Variants in SNTG1 observed in about 807,000 individuals in gnomAD.
The protein encoded by SNTG1 is gamma-1-syntrophin.
In SNTG1, 39 loss-of-function variants were observed where a neutral mutation model predicts 74.7. The observed-to-expected ratio is 0.52, with a 90% CI of 0.40 to 0.68. SNTG1 has a LOEUF of 0.68. SNTG1 is among the 30% of genes least tolerant of loss of function. The pLI, the probability that SNTG1 is intolerant of heterozygous loss-of-function variation, is 0.00. For missense variants in SNTG1, 685 were observed against 609.5 expected (o/e 1.12, Z -1.30); for synonymous variants, 254 against 217.1 (o/e 1.17, Z -1.49).
intron 2 of SNTG1, among the ~76,000 whole-genome samples, chr8:50,376,752 T>TAGAGAG (rs1209571081): frequency 1.2e-4 from 12 of 100,804 alleles, no homozygotes; most frequent in African/African-American, 3.0e-4. Context: ...TATATATATA[T>TAGAGAG]ATATAGAGAG....
At chr8:50,392,176 T>C (rs1172936020) in intron 2 of SNTG1, among the ~76,000 whole-genome samples, 5 of 152,178 alleles carry the variant, frequency 3.3e-5, no homozygotes, top group Middle Eastern at 3.2e-3. Flanking sequence ...TCATATAAGA[T>C]GCTAACAGTA....
rs142871961 is a variant in SNTG1 at position 50,537,491 on chromosome 8, A to G, written c.680+683A>G. On this transcript the variant is annotated intron_variant, in intron 11 of 18. Coordinates refer to ENST00000642720, the MANE Select transcript of SNTG1 (RefSeq NM_018967.5). ...TAAGATAAGTAGTGCCCTCCTTTTC[A>G]TTCTTGAAACTTTTTTTCTCTTTTT... 7.9e-5 allele frequency among the ~76,000 whole-genome samples: 12 copies of G among 152,170 alleles called. No homozygotes were observed. In the East Asian group the frequency reaches 2.3e-3, roughly 29 times the overall value.
intron 15 of SNTG1, among the ~76,000 whole-genome samples, chr8:50,687,573 CT>C (rs869254408): frequency 2.0e-5 from 3 of 151,988 alleles, no homozygotes; most frequent in East Asian, 1.9e-4. Context: ...GGGATACGTT[CT>C]TTTTTTATTA....
rs78199583 is a variant in SNTG1 at position 50,364,802 on chromosome 8, T to C, written c.-27-29410T>C. ...GGTCAGCAAACTATTTCTTGTTCTTTTTTATTGCAGTAATCATTTAAATCA... is the reference window on the plus strand; with the variant it reads ...GGTCAGCAAACTATTTCTTGTTCTTCTTTATTGCAGTAATCATTTAAATCA... On this transcript the variant is annotated intron_variant, in intron 2 of 18. Transcript: ENST00000642720. Among the ~76,000 whole-genome samples, 1,421 of 152,224 alleles carry C rather than the reference T, an allele frequency of 9.3e-3. 9 individuals carry two copies. The highest frequency in any genetic ancestry group is 0.016 in the Non-Finnish European group (1,070 of 67,984).
intron 1 of SNTG1, among the ~76,000 whole-genome samples, chr8:50,108,839 G>C (rs548897578): frequency 2.6e-5 from 4 of 152,226 alleles, no homozygotes; most frequent in South Asian, 4.2e-4. Flanking sequence ...TAAAACAACT[G>C]TGGTTTACTT....
intron 2 of SNTG1, among the ~76,000 whole-genome samples, chr8:50,190,232 T>C (rs569936844): frequency 6.6e-6 from 1 of 152,294 alleles, no homozygotes; most frequent in South Asian, 2.1e-4. Context: ...TGATTCTTTC[T>C]AGAACAATAT....
At chr8:50,653,296 G>A (rs1040730681) in intron 13 of SNTG1, among the ~76,000 whole-genome samples, 3 of 152,002 alleles carry the variant, frequency 2.0e-5, no homozygotes, top group Non-Finnish European at 4.4e-5. Context: ...TTAGCCAGAA[G>A]TGGTGGTGTG....
At chr8:50,729,875 A>G (rs1221937227) in intron 17 of SNTG1, among the ~76,000 whole-genome samples, 1 of 152,176 alleles carries the variant, frequency 6.6e-6, no homozygotes, top group African/African-American at 2.4e-5. Context: ...TATATCACCT[A>G]GGACTTCAAC....
intron 15 of SNTG1, 76 bp downstream of exon 15, chr8:50,658,739 T>C: frequency 4.5e-6 from 4 of 885,910 alleles, no homozygotes; most frequent in Admixed American, 2.5e-5. Flanking sequence ...AAGCAGCTCA[T>C]GAAAACAAAT....
intron 4 of SNTG1, among the ~76,000 whole-genome samples, chr8:50,427,121 T>C (rs1248331078): frequency 6.6e-6 from 1 of 152,124 alleles, no homozygotes; most frequent in African/African-American, 2.4e-5. Context: ...TCTACCTATA[T>C]AGATATAAAA....
intron 1 of SNTG1, among the ~76,000 whole-genome samples, chr8:49,985,023 C>T (rs933211880): frequency 1.3e-5 from 2 of 151,870 alleles, no homozygotes; most frequent in Non-Finnish European, 2.9e-5. Context: ...ATCAGCTTTC[C>T]CTCTGGTGGC....
At chr8:50,360,972 A>G (rs2091939528) in intron 2 of SNTG1, among the ~76,000 whole-genome samples, 1 of 152,114 alleles carries the variant, frequency 6.6e-6, no homozygotes, top group Non-Finnish European at 1.5e-5. Context: ...TAAAAACCTT[A>G]TCTTACTGTA....
intron 1 of SNTG1, among the ~76,000 whole-genome samples, chr8:50,018,679 G>A (rs953896783): frequency 6.6e-6 from 1 of 151,950 alleles, no homozygotes; most frequent in East Asian, 1.9e-4. Flanking sequence ...GTATCAAAGA[G>A]CACCAAGAAA....
chr8:50,374,909 C>T (rs544836552), intron 2 of SNTG1, among the ~76,000 whole-genome samples: 15 of 152,070 alleles, frequency 9.9e-5, no homozygotes, highest in African/African-American at 1.7e-4. Context: ...ATGTTTTCAT[C>T]GTGAAGAAAG....
intron 2 of SNTG1, among the ~76,000 whole-genome samples, chr8:50,344,030 T>C (rs2091399057): frequency 6.6e-6 from 1 of 152,188 alleles, no homozygotes; most frequent in African/African-American, 2.4e-5. Flanking sequence ...ACAATGTCCA[T>C]TAACAATTTC....
chr8:50,464,952 G>GAAAA (rs71233500), intron 8 of SNTG1, among the ~76,000 whole-genome samples: 115 of 143,584 alleles, frequency 8.0e-4, no homozygotes, highest in Non-Finnish European at 7.2e-4. Flanking sequence ...CATGCTGTTG[G>GAAAA]AAAAAAAAAA....
chr8:50,214,555 A>C (rs4873134), intron 2 of SNTG1, among the ~76,000 whole-genome samples: 1 of 151,896 alleles, frequency 6.6e-6, no homozygotes, highest in African/African-American at 2.4e-5. Flanking sequence ...CAAGTGTTTG[A>C]ATTTTCTATG....
chr8:50,107,842 T>C (rs1350609908), intron 1 of SNTG1, among the ~76,000 whole-genome samples: 4 of 152,268 alleles, frequency 2.6e-5, no homozygotes, highest in Admixed American at 6.6e-5. Flanking sequence ...TGAACCACCA[T>C]GCCTGGCTAG....
chr8:50,449,341 A>G (rs1407326077), intron 5 of SNTG1, among the ~76,000 whole-genome samples: 3 of 152,206 alleles, frequency 2.0e-5, no homozygotes, highest in Non-Finnish European at 2.9e-5. Flanking sequence ...ATATATAATT[A>G]TCTGGTGTTT....
Sources: allele counts gnomAD v4.1 joint callset (sites outside exome capture counted in the v4.1 genomes callset), GRCh38; gene constraint gnomAD v4.1.1; transcripts MANE v1.5; gene names NCBI Gene and HGNC (gene_info 2026-07-23, HGNC 2026-07-21).